TFG: variants seen among roughly 807,000 people sequenced by gnomAD.
TFG encodes trafficking from ER to golgi regulator.
In TFG, 22 loss-of-function variants were observed where a neutral mutation model predicts 51.4. The ratio of observed to expected loss-of-function variants is 0.43; its 90% CI spans 0.31 to 0.61. TFG has a LOEUF of 0.61. Ranked by LOEUF, TFG falls within the 20% of genes least tolerant of loss-of-function variation. The pLI is 0.12. For missense variants in TFG, 419 were observed against 487.7 expected, an observed-to-expected ratio of 0.86 and a Z score of 1.33; for synonymous variants, 187 against 165.6, an observed-to-expected ratio of 1.13 and a Z score of -0.99.
At chr3:100,711,124 G>C (rs2095030102) in intron 1 of TFG, 1 of 150,410 alleles carries the variant, frequency 6.6e-6, no homozygotes, top group Admixed American at 6.6e-5. Flanking sequence ...TTTTTGAGAC[G>C]GAGTCTGGCT....
At chr3:100,713,139 T>A (rs537874688) in intron 1 of TFG, among the ~76,000 whole-genome samples, 1 of 152,360 alleles carries the variant, frequency 6.6e-6, no homozygotes, top group East Asian at 1.9e-4. Flanking sequence ...TAGGAGTCTT[T>A]TCCAGTCATT....
chr3:100,720,144 T>G, intron 3 of TFG, 86 bp downstream of exon 3: 1 of 779,352 alleles, frequency 1.3e-6, no homozygotes, highest in Non-Finnish European at 2.1e-6. Context: ...AAGACTCAGG[T>G]AAGCAATAAC....
rs1576392329 is a variant in TFG, at chr3:100,748,909, G to GAT, written c.*381_*382dup. ...AAAGTAGAGCCCTTTGAGAATACAA[G>GAT]ATATTATGTATAAAATGTAACACTG... On this transcript the variant is annotated 3_prime_UTR_variant, in exon 8 of 8. Coordinates refer to ENST00000240851, the MANE Select transcript of TFG (RefSeq NM_006070.6). 4.5e-6 allele frequency: 1 copy of GAT among 222,712 alleles called. No homozygotes were observed. The highest frequency in any genetic ancestry group is 9.0e-6 in the Non-Finnish European group (1 of 111,450). 13.8% of individuals were successfully genotyped at this position (222,712 alleles called of 1,614,324 possible).
rs2095106333 is a variant in TFG, at chr3:100,736,415, A to G, written c.581-161A>G. ...GCTTTGGATTAAGAGATTGGAGCAA[A>G]GGAAAAAATAAAGTACATACATTTA... On this transcript the variant is annotated intron_variant, in intron 5 of 7. Transcript: ENST00000240851. 3.3e-5 allele frequency among the ~76,000 whole-genome samples: 5 copies of G among 152,228 alleles called. No individual in the cohort carries two copies. In the South Asian group the frequency reaches 1.0e-3, roughly 31 times the overall value.
At chr3:100,743,522 TTTC>T (rs1192357552) in intron 6 of TFG, 2 of 152,132 alleles carry the variant, frequency 1.3e-5, no homozygotes, top group Admixed American at 6.5e-5. Context: ...TTTGTAAGCG[TTTC>T]TTTTTTTTTC....
chr3:100,717,312 T>C (rs1490052419), intron 2 of TFG, among the ~76,000 whole-genome samples: 5 of 152,220 alleles, frequency 3.3e-5, no homozygotes, highest in Admixed American at 3.3e-4. Flanking sequence ...ATTACAGCTT[T>C]GTAGTATATT....
At chr3:100,723,378 A>G (rs1576361706) in intron 3 of TFG, among the ~76,000 whole-genome samples, 1 of 152,142 alleles carries the variant, frequency 6.6e-6, no homozygotes, top group Non-Finnish European at 1.5e-5. Context: ...TGGCGGAATA[A>G]AAGAGGTAGA....
chr3:100,733,316 G>A (rs916796363), intron 5 of TFG, among the ~76,000 whole-genome samples: 1 of 151,930 alleles, frequency 6.6e-6, no homozygotes, highest in African/African-American at 2.4e-5. Flanking sequence ...CTTCAGGTTG[G>A]GTGATTTCTG....
At chr3:100,728,084 T>G (rs2095080853) in intron 3 of TFG, among the ~76,000 whole-genome samples, 1 of 152,160 alleles carries the variant, frequency 6.6e-6, no homozygotes, top group South Asian at 2.1e-4. Context: ...TTCTCCCTCC[T>G]TGGCTTCCCA....
chr3:100,744,739 G>C, intron 6 of TFG, 94 bp from the exon 7 acceptor site: 2 of 732,472 alleles, frequency 2.7e-6, no homozygotes, highest in Non-Finnish European at 2.4e-6. Context: ...ACTCTGTTTG[G>C]ATGGAGAGGG....
chr3:100,710,336 G>A (rs2095027020), intron 1 of TFG: 1 of 152,244 alleles, frequency 6.6e-6, no homozygotes, highest in Non-Finnish European at 1.5e-5. Flanking sequence ...ATCATCACAA[G>A]GATTCCTCCA....
intron 4 of TFG, among the ~76,000 whole-genome samples, chr3:100,731,290 TCTTGGA>T (rs1576368349): frequency 6.6e-6 from 1 of 152,210 alleles, no homozygotes; most frequent in African/African-American, 2.4e-5. Context: ...GTCTTTTGTA[TCTTGGA>T]CTTGGATTCC....
At position 100,734,273 on chromosome 3, in the gene TFG, T is replaced by C. The variant is rs142928170; in HGVS notation, c.580+1601T>C. Among the ~76,000 whole-genome samples the C allele has an allele frequency of 3.3e-3, 496 of 152,296 alleles. 7 individuals are homozygous for C. Among genetic ancestry groups the C allele is most frequent in the Non-Finnish European group, 4.6e-3 (315 of 68,024 alleles). Reference sequence around the variant, plus strand: ...TCCCTATGGTGTATAGCAGCTGATATGTATGCTCAGTCCTTTCAGCTTGCT... The same window carrying C: ...TCCCTATGGTGTATAGCAGCTGATACGTATGCTCAGTCCTTTCAGCTTGCT... On this transcript the variant is annotated intron_variant, in intron 5 of 7. Transcript: ENST00000240851.
chr3:100,748,691 C>A lies in TFG; in HGVS notation c.*160C>A. ...TAATTGAAAGTATAATTTGCTGGAA[C>A]ACAAAGACCAAAATGAAAGTTTTTT... On this transcript the variant is annotated 3_prime_UTR_variant, in exon 8 of 8. Coordinates refer to ENST00000240851, the MANE Select transcript of TFG (RefSeq NM_006070.6). 2.3e-6 allele frequency: 2 copies of A among 865,782 alleles called. No homozygotes were observed. The highest frequency in any genetic ancestry group is 3.3e-6 in the Non-Finnish European group (2 of 603,514). The allele number at this position is 865,782 out of a possible 1,614,324, so 53.6% of individuals were successfully genotyped here. A position where few individuals can be genotyped will look rare whatever the true frequency, so the allele number is the denominator to read the frequency against.
intron 6 of TFG, 146 bp downstream of exon 6, chr3:100,736,862 C>A: frequency 2.5e-6 from 2 of 798,454 alleles, no homozygotes; most frequent in Non-Finnish European, 3.8e-6. Context: ...TGTTAAAAAA[C>A]CAAATAGAAC....
chr3:100,748,388 C>T lies in TFG; in HGVS notation c.1060C>T (p.Pro354Ser). 1 of 1,614,142 alleles carries T rather than the reference C, an allele frequency of 6.2e-7. No individual in the cohort carries two copies. The highest frequency in any genetic ancestry group is 8.5e-7 in the Non-Finnish European group (1 of 1,179,994). ...ASQPGMAPSQ[P>S]GAYQPRPGFT... is the part of the protein sequence containing the mutation. ...TCAACCTGGAATGGCTCCAAGCCAA[C>T]CTGGGGCCTATCAACCAAGACCAGG... Residue 354 changes from proline (P) to serine (S), a missense_variant, in exon 8 of 8, where the codon CCT (proline) becomes TCT (serine). Transcript: ENST00000240851.
chr3:100,726,298 C>T lies in TFG; in HGVS notation c.269-2414C>T, dbSNP rs116848500. On this transcript the variant is annotated intron_variant, in intron 3 of 7. Transcript: ENST00000240851. ...GCAAGCAAACTTATCCTACCTTCTT[C>T]TGCCTGTTTTGTGATAGCTGCACTG... Among the ~76,000 whole-genome samples the T allele has an allele frequency of 1.5e-4, 23 of 152,298 alleles. No individual in the cohort carries two copies. The East Asian group carries it at 1.5e-3, about 10-fold the overall frequency.
intron 6 of TFG, among the ~76,000 whole-genome samples, chr3:100,739,909 A>AGT (rs2095116696): frequency 6.6e-6 from 1 of 151,980 alleles, no homozygotes. Flanking sequence ...CCCAGGTTGG[A>AGT]GTGTACTGGC....
intron 4 of TFG, among the ~76,000 whole-genome samples, chr3:100,729,180 T>C (rs1194081634): frequency 2.6e-5 from 4 of 152,228 alleles, no homozygotes; most frequent in Non-Finnish European, 5.9e-5. Flanking sequence ...AGGTCAGTTT[T>C]CAAATCCTTT....
Sources: gnomAD v4.1 joint callset for allele counts (sites outside exome capture counted in the v4.1 genomes callset) on GRCh38, gnomAD v4.1.1 for gene constraint, MANE v1.5 for transcripts, NCBI Gene and HGNC (gene_info 2026-07-23, HGNC 2026-07-21) for gene names.